The following NECTIN1 variants were observed in gnomAD, a reference collection of about 807,000 sequenced individuals.
The protein encoded by NECTIN1 is nectin cell adhesion molecule 1.
Under a neutral mutation model 48.0 loss-of-function variants are expected in NECTIN1, and 23 were observed. That is an observed-to-expected ratio of 0.48 (90% confidence interval 0.34 to 0.68). NECTIN1 has a LOEUF of 0.68. Ranked by LOEUF, NECTIN1 falls within the 30% of genes least tolerant of loss-of-function variation. The pLI is 0.01. For missense variants in NECTIN1, 591 were observed against 709.9 expected (o/e 0.83, Z 1.90); for synonymous variants, 270 against 288.9 (o/e 0.93, Z 0.66).
At chr11:119,720,628 C>T (rs567619771) in intron 1 of NECTIN1, among the ~76,000 whole-genome samples, 5 of 152,378 alleles carry the variant, frequency 3.3e-5, no homozygotes, top group African/African-American at 1.2e-4. Flanking sequence ...CTTGCCTTGG[C>T]TCCTGTCTTG....
At chr11:119,699,307 C>T (rs1303878389) in intron 1 of NECTIN1, among the ~76,000 whole-genome samples, 2 of 152,190 alleles carry the variant, frequency 1.3e-5, no homozygotes, top group Non-Finnish European at 2.9e-5. Flanking sequence ...CAGTCTCCTC[C>T]CTGAGTTCCT....
Position 119,727,232 on chromosome 11 carries a change from G to T in NECTIN1, c.79+1243C>A, listed in dbSNP as rs1865923783. ...AGCCCCGGAACTAGGCAGCCAGACTGTTCCCTCGATAACAAACTGCCTGGC... is the reference window on the plus strand; with the variant it reads ...AGCCCCGGAACTAGGCAGCCAGACTTTTCCCTCGATAACAAACTGCCTGGC... On this transcript the variant is annotated intron_variant, in intron 1 of 5. Transcript: ENST00000264025. This position sits in a 1 kb window ranked among gnomAD's most constrained non-coding sequence, Gnocchi z 4.1. 6.6e-6 allele frequency among the ~76,000 whole-genome samples: 1 copy of T among 152,186 alleles called. No individual in the cohort carries two copies. Among genetic ancestry groups the T allele is most frequent in the African/African-American group, 2.4e-5 (1 of 41,436 alleles).
At chr11:119,723,242 G>T (rs1235357963) in intron 1 of NECTIN1, among the ~76,000 whole-genome samples, 1 of 126,342 alleles carries the variant, frequency 7.9e-6, no homozygotes, top group Non-Finnish European at 1.7e-5. Context: ...AAAAAAAAAA[G>T]GGAAAACTGA....
chr11:119,694,745 T>G (rs1368344317), intron 1 of NECTIN1, among the ~76,000 whole-genome samples: 10 of 152,124 alleles, frequency 6.6e-5, no homozygotes, highest in African/African-American at 2.2e-4. Context: ...GATGCTGATT[T>G]GGCCCATGGT....
intron 5 of NECTIN1, among the ~76,000 whole-genome samples, chr11:119,648,361 C>CTGGTGATGGTGGTGGTGA (rs1864440026): frequency 7.5e-4 from 1 of 1,326 alleles, no homozygotes; most frequent in African/African-American, 3.3e-3. Context: ...GGTGGTGATG[C>CTGGTGATGGTGGTGGTGA]TGGTGATGGT....
At chr11:119,691,329 T>C (rs1480488197) in intron 1 of NECTIN1, among the ~76,000 whole-genome samples, 2 of 152,172 alleles carry the variant, frequency 1.3e-5, no homozygotes, top group African/African-American at 2.4e-5. Flanking sequence ...AGCCCCAGCT[T>C]GGGGTCACCC....
At chr11:119,682,846 G>A (rs1470001559) in intron 1 of NECTIN1, among the ~76,000 whole-genome samples, 1 of 152,128 alleles carries the variant, frequency 6.6e-6, no homozygotes, top group African/African-American at 2.4e-5. Context: ...ACTCCATACT[G>A]GACACTGTAG....
intron 1 of NECTIN1, among the ~76,000 whole-genome samples, chr11:119,692,266 G>A (rs748452101): frequency 2.6e-5 from 4 of 152,252 alleles, no homozygotes; most frequent in Non-Finnish European, 5.9e-5. Flanking sequence ...GAACCAGCAC[G>A]TAGGCTCGGG....
At chr11:119,642,940 C>G (rs1864347686) in intron 5 of NECTIN1, 1 of 153,654 alleles carries the variant, frequency 6.5e-6, no homozygotes, top group Non-Finnish European at 1.5e-5. Context: ...TTGGTTGACT[C>G]CACGGATGCA....
Position 119,665,380 on chromosome 11 carries a change from G to A in NECTIN1, c.1004-83C>T. Reference sequence around the variant, plus strand: ...GGGGGTGGGAGGGAGGCAGGGAAAGGAGAGGCCAGGAAGGACAGGCTGTCT... The same window carrying A: ...GGGGGTGGGAGGGAGGCAGGGAAAGAAGAGGCCAGGAAGGACAGGCTGTCT... On this transcript the variant is annotated intron_variant, in intron 5 of 5. Transcript: ENST00000264025. The surrounding 1 kb of genome is among the most constrained non-coding windows in gnomAD (Gnocchi z 5.1). 3 of 1,487,400 alleles carry A rather than the reference G, an allele frequency of 2.0e-6. No individual in the cohort carries two copies. The highest frequency in any genetic ancestry group is 2.7e-6 in the Non-Finnish European group (3 of 1,122,442). 92.1% of individuals were successfully genotyped at this position (1,487,400 alleles called of 1,614,324 possible). A position where few individuals can be genotyped will look rare whatever the true frequency, so the allele number is the denominator to read the frequency against.
At chr11:119,649,115 T>G (rs1864453973) in intron 5 of NECTIN1, among the ~76,000 whole-genome samples, 1 of 152,196 alleles carries the variant, frequency 6.6e-6, no homozygotes, top group Non-Finnish European at 1.5e-5. Flanking sequence ...GCACGGTGGC[T>G]CATGCCTGTA....
chr11:119,725,979 A>G (rs187942270), intron 1 of NECTIN1, among the ~76,000 whole-genome samples: 1 of 152,320 alleles, frequency 6.6e-6, no homozygotes, highest in African/African-American at 2.4e-5. Context: ...GTGGATTGTC[A>G]TCTCAGGAAA....
Position 119,674,515 on chromosome 11 carries a change from G to C in NECTIN1, c.1003+644C>G, listed in dbSNP as rs184300365. On this transcript the variant is annotated intron_variant, in intron 5 of 5. Coordinates refer to ENST00000264025, the MANE Select transcript of NECTIN1 (RefSeq NM_002855.5). ...ATACTGTCCCCGTTTTACAGATGGTGGGGGGGGCCCTGTCCAGGGTCACAG... is the reference window on the plus strand; with the variant it reads ...ATACTGTCCCCGTTTTACAGATGGTCGGGGGGGCCCTGTCCAGGGTCACAG... 1.3e-3 allele frequency: 2,031 copies of C among 1,540,554 alleles called. 23 individuals carry two copies. In the African/African-American group the frequency reaches 0.033, roughly 25 times the overall value.
At position 119,663,952 on chromosome 11, in the gene NECTIN1, G is replaced by T. The variant is rs750967066; in HGVS notation, c.*795C>A. 170 of 979,104 alleles carry T rather than the reference G, an allele frequency of 1.7e-4. No individual in the cohort carries two copies. The highest frequency in any genetic ancestry group is 1.6e-3 in the Middle Eastern group (3 of 1,900). The allele number at this position is 979,104 out of a possible 1,614,324, so 60.7% of individuals were successfully genotyped here. ...AGGCAGAGAGGAGCAGTGTGTGCAT[G>T]TGTGTGTGTGTGCACGTGTCAGCAG... On this transcript the variant is annotated 3_prime_UTR_variant, in exon 6 of 6. Transcript: ENST00000264025.
At chr11:119,714,186 TG>T (rs1386846554) in intron 1 of NECTIN1, among the ~76,000 whole-genome samples, 31 of 152,138 alleles carry the variant, frequency 2.0e-4, no homozygotes, top group African/African-American at 7.2e-4. Context: ...AGCCAGGGCC[TG>T]CCTGGGGGTT....
intron 1 of NECTIN1, among the ~76,000 whole-genome samples, chr11:119,701,003 G>A (rs916336293): frequency 1.2e-4 from 18 of 152,272 alleles, no homozygotes; most frequent in Admixed American, 4.6e-4. Flanking sequence ...ACTCCCAGCC[G>A]TGAGTCAGGT....
intron 1 of NECTIN1, among the ~76,000 whole-genome samples, chr11:119,728,254 G>A (rs1865948171): frequency 6.6e-6 from 1 of 152,254 alleles, no homozygotes; most frequent in Non-Finnish European, 1.5e-5. Flanking sequence ...GTGCTTTCAT[G>A]CTACATAGAG....
intron 1 of NECTIN1, among the ~76,000 whole-genome samples, chr11:119,707,408 C>T (rs184479539): frequency 6.6e-6 from 1 of 152,316 alleles, no homozygotes; most frequent in East Asian, 1.9e-4. Context: ...CCTCCACCTT[C>T]TCTTTTATGG....
chr11:119,698,717 G>C (rs1220319881), intron 1 of NECTIN1, among the ~76,000 whole-genome samples: 2 of 152,182 alleles, frequency 1.3e-5, no homozygotes, highest in South Asian at 2.1e-4. Context: ...ATCACAAAAT[G>C]GCTATAAGGA....
Sources: gnomAD v4.1 joint callset for allele counts (sites outside exome capture counted in the v4.1 genomes callset) on GRCh38, gnomAD v4.1.1 for gene constraint, Gnocchi (gnomAD v3.1) non-coding constraint, MANE v1.5 for transcripts, NCBI Gene and HGNC (gene_info 2026-07-23, HGNC 2026-07-21) for gene names.